Variants in PTPRD observed in about 807,000 individuals in gnomAD.
PTPRD encodes the protein receptor-type tyrosine-protein phosphatase delta.
Under a neutral mutation model 214.5 loss-of-function variants are expected in PTPRD, and 34 were observed. The observed-to-expected ratio is 0.16, with a 90% confidence interval of 0.12 to 0.21. The LOEUF is 0.21. Among genes scored for constraint, PTPRD ranks in the 10% least tolerant of loss-of-function variants. The pLI is 1.00. For synonymous variants in PTPRD, 1,128 were observed against 845.7 expected (o/e 1.33, Z -5.79); for missense variants, 2,545 against 2,398.7 (o/e 1.06, Z -1.27).
intron 9 of PTPRD, among the ~76,000 whole-genome samples, chr9:9,263,640 T>C (rs2099981109): frequency 6.6e-6 from 1 of 151,740 alleles, no homozygotes; most frequent in Admixed American, 6.6e-5. Flanking sequence ...ATGATGTTCA[T>C]TTCTGTTTAA....
intron 8 of PTPRD, among the ~76,000 whole-genome samples, chr9:9,401,399 C>T (rs1204385216): frequency 6.6e-6 from 1 of 151,994 alleles, no homozygotes; most frequent in Non-Finnish European, 1.5e-5. Context: ...TACCAAAACT[C>T]CAGTCCTTAT....
At chr9:8,645,561 A>G (rs1202568016) in intron 12 of PTPRD, among the ~76,000 whole-genome samples, 3 of 152,178 alleles carry the variant, frequency 2.0e-5, no homozygotes, top group African/African-American at 7.2e-5. Flanking sequence ...CATTTGGTAG[A>G]TAGATATCTA....
In PTPRD at chr9:10,138,910, A is replaced by C. The variant is rs190036961; in HGVS notation, c.-544-105120T>G. On this transcript the variant is annotated intron_variant, in intron 3 of 45. Coordinates refer to ENST00000381196, the MANE Select transcript of PTPRD (RefSeq NM_002839.4). ...AAGGAACATAGCTCAAAATAATAAG[A>C]GCCATCTATGACAAACCTATAGCTA... Among the ~76,000 whole-genome samples, 299 of 152,180 alleles carry C rather than the reference A, an allele frequency of 2.0e-3. 6 individuals carry two copies. The highest frequency in any genetic ancestry group is 0.014 in the Admixed American group (220 of 15,224).
intron 2 of PTPRD, among the ~76,000 whole-genome samples, chr9:10,518,744 A>G (rs28586972): frequency 0.15 from 22,720 of 151,888 alleles, 1,736 homozygotes; most frequent in African/African-American, 0.17. Flanking sequence ...GTGTTAGCCA[A>G]GATGGTCTTG....
At chr9:9,369,171 T>C (rs992681534) in intron 9 of PTPRD, among the ~76,000 whole-genome samples, 1 of 152,028 alleles carries the variant, frequency 6.6e-6, no homozygotes, top group African/African-American at 2.4e-5. Context: ...TTGTTGGACA[T>C]TTGAGTTGGT....
chr9:10,500,184 T>A (rs1364728507), intron 2 of PTPRD, among the ~76,000 whole-genome samples: 1 of 152,048 alleles, frequency 6.6e-6, no homozygotes, highest in South Asian at 2.1e-4. Context: ...TGTATTACAT[T>A]TGGTTCTTGC....
At chr9:9,456,050 A>G (rs1327890677) in intron 8 of PTPRD, among the ~76,000 whole-genome samples, 2 of 151,904 alleles carry the variant, frequency 1.3e-5, no homozygotes, top group African/African-American at 4.8e-5. Flanking sequence ...CAAACATTAA[A>G]GAAAATACTA....
chr9:9,431,187 G>T (rs1569568265), intron 8 of PTPRD, among the ~76,000 whole-genome samples: 1 of 152,052 alleles, frequency 6.6e-6, no homozygotes, highest in Non-Finnish European at 1.5e-5. Context: ...AATCTACAAA[G>T]AACTTAAACA....
chr9:9,742,241 G>C (rs1275699587), intron 6 of PTPRD, among the ~76,000 whole-genome samples: 1 of 152,074 alleles, frequency 6.6e-6, no homozygotes, highest in Non-Finnish European at 1.5e-5. Context: ...AGTAAAATTG[G>C]CTGAGAAACT....
chr9:8,598,410 G>A (rs879526256), intron 14 of PTPRD, among the ~76,000 whole-genome samples: 15 of 151,906 alleles, frequency 9.9e-5, no homozygotes, highest in South Asian at 2.1e-4. Flanking sequence ...GCAGTGAGCC[G>A]AGATCATGCC....
intron 14 of PTPRD, among the ~76,000 whole-genome samples, chr9:8,542,125 T>C (rs938229706): frequency 3.3e-5 from 5 of 152,130 alleles, no homozygotes; most frequent in Admixed American, 6.6e-5. Flanking sequence ...CCTGAGGGCA[T>C]ACATAAAGGA....
intron 11 of PTPRD, among the ~76,000 whole-genome samples, chr9:8,901,327 A>C (rs1425465807): frequency 6.6e-6 from 1 of 152,244 alleles, no homozygotes; most frequent in Non-Finnish European, 1.5e-5. Flanking sequence ...AAACAAGCCA[A>C]TGGCAAAATT....
At chr9:9,402,971 A>AG (rs1467435588) in intron 8 of PTPRD, among the ~76,000 whole-genome samples, 2 of 145,734 alleles carry the variant, frequency 1.4e-5, no homozygotes, top group African/African-American at 5.1e-5. Context: ...AGGGAGAAAA[A>AG]AAAAAAAAAA....
chr9:8,705,988 ATTCAT>A (rs2098198653), intron 12 of PTPRD, among the ~76,000 whole-genome samples: 2 of 152,184 alleles, frequency 1.3e-5, no homozygotes, highest in Admixed American at 1.3e-4. Flanking sequence ...CAAGCCAGGC[ATTCAT>A]TTCAACTCAA....
At position 9,844,138 on chromosome 9, in the gene PTPRD, T is replaced by A. The variant is rs532371084; in HGVS notation, c.-367-77287A>T. Among the ~76,000 whole-genome samples, 72 of 152,160 alleles carry A rather than the reference T, an allele frequency of 4.7e-4. No homozygotes were observed. In the South Asian group the frequency reaches 8.5e-3, roughly 18 times the overall value. On this transcript the variant is annotated intron_variant, in intron 5 of 45. Transcript: ENST00000381196. ...AGTAGCAATTGATTTTTTTCATTGT[T>A]TACTGCCTTAATTTTATTGTTTTTT...
At chr9:9,822,094 T>A (rs953879499) in intron 5 of PTPRD, among the ~76,000 whole-genome samples, 1 of 151,622 alleles carries the variant, frequency 6.6e-6, no homozygotes, top group Non-Finnish European at 1.5e-5. Flanking sequence ...TCACATAAAC[T>A]CACTTGAAAA....
intron 2 of PTPRD, among the ~76,000 whole-genome samples, chr9:10,453,917 G>C (rs146274298): frequency 6.6e-6 from 1 of 151,678 alleles, no homozygotes; most frequent in African/African-American, 2.4e-5. Context: ...CATTGAGCGT[G>C]AGTCAGCTGT....
chr9:9,662,635 A>G (rs150678380), intron 7 of PTPRD, among the ~76,000 whole-genome samples: 1 of 151,678 alleles, frequency 6.6e-6, no homozygotes, highest in Non-Finnish European at 1.5e-5. Context: ...GATAGATTCT[A>G]TATGTAGGGG....
chr9:10,435,108 G>A (rs959628397), intron 2 of PTPRD, among the ~76,000 whole-genome samples: 1 of 151,758 alleles, frequency 6.6e-6, no homozygotes, highest in African/African-American at 2.4e-5. Flanking sequence ...CCTAAAGAAG[G>A]GGCATTACTG....
Sources: gnomAD v4.1 joint callset for allele counts (sites outside exome capture counted in the v4.1 genomes callset) on GRCh38, gnomAD v4.1.1 for gene constraint, MANE v1.5 for transcripts, NCBI Gene and HGNC (gene_info 2026-07-23, HGNC 2026-07-21) for gene names.